UVSSA: variants seen among roughly 807,000 people sequenced by gnomAD.
UVSSA encodes the protein UV-stimulated scaffold protein A.
Under a neutral mutation model 73.9 loss-of-function variants are expected in UVSSA, and 72 were observed. The observed-to-expected ratio is 0.97, with a 90% CI of 0.81 to 1.19. The LOEUF (loss-of-function observed/expected upper bound fraction) is 1.19, where lower values mean the gene tolerates loss of function less well. Ranked by LOEUF, UVSSA falls within the 50% of genes most tolerant of loss-of-function variation. The pLI is 0.00. For missense variants in UVSSA, 1,150 were observed against 965.0 expected (o/e 1.19, Z -2.54); for synonymous variants, 454 against 391.3 (o/e 1.16, Z -1.89).
chr4:1,367,595 T>C (rs1248125419), intron 8 of UVSSA, among the ~76,000 whole-genome samples: 2 of 152,104 alleles, frequency 1.3e-5, no homozygotes, highest in African/African-American at 4.8e-5. Context: ...CTGGGAAGGC[T>C]GAGCTCCTGG....
In UVSSA at chr4:1,395,315, T is replaced by C. The variant is rs1365711712; in HGVS notation, c.*9354T>C. The C allele has an allele frequency of 6.0e-6, 9 of 1,491,934 alleles. 1 individual carries two copies. Among genetic ancestry groups the C allele is most frequent in the Non-Finnish European group, 8.0e-6 (9 of 1,120,858 alleles). The allele number at this position is 1,491,934 out of a possible 1,614,324, so 92.4% of individuals were successfully genotyped here. A position where few individuals can be genotyped will look rare whatever the true frequency, so the allele number is the denominator to read the frequency against. On this transcript the variant is annotated 3_prime_UTR_variant, in exon 14 of 14. Transcript: ENST00000511216. ...CCTGCTCACACGTGCCCATGTGGAG[T>C]GCCCGCCTGCTCACGTGCCGATGTG...
chr4:1,349,505 G>T lies in UVSSA; in HGVS notation c.99-19G>T. On this transcript the variant is annotated intron_variant, in intron 2 of 13. Transcript: ENST00000389851. ...CTCTGCGTGTGGGGCAGTTGGGTCA[G>T]GCCAGCTCGCATCCCCAGGTCTTCA... is the stretch of plus-strand genomic sequence containing the variant. 2 of 1,607,898 alleles carry T rather than the reference G, an allele frequency of 1.2e-6. No individual in the cohort carries two copies. The highest frequency in any genetic ancestry group is 1.7e-6 in the Non-Finnish European group (2 of 1,176,784).
In UVSSA at chr4:1,349,517, T is replaced by A; in HGVS notation, c.99-7T>A. 6.2e-7 allele frequency: 1 copy of A among 1,610,328 alleles called. No individual in the cohort carries two copies. On this transcript the variant is annotated splice_region_variant and splice_polypyrimidine_tract_variant and intron_variant, in intron 2 of 13. Transcript: ENST00000389851. ...GGCAGTTGGGTCAGGCCAGCTCGCATCCCCAGGTCTTCAGAGGAGCAGCTG... is the reference window on the plus strand; with the variant it reads ...GGCAGTTGGGTCAGGCCAGCTCGCAACCCCAGGTCTTCAGAGGAGCAGCTG...
At position 1,349,533 on chromosome 4, in the gene UVSSA, GGA is replaced by G; in HGVS notation, c.110_111del (p.Glu37AlafsTer85). The G allele has an allele frequency of 6.2e-7, 1 of 1,612,680 alleles. No individual in the cohort carries two copies. The highest frequency in any genetic ancestry group is 8.5e-7 in the Non-Finnish European group (1 of 1,179,384). ...CAGCTCGCATCCCCAGGTCTTCAGA[GGA>G]GCAGCTGAGCCGCGCCTACCGCCTG... ...ELKKICKSSE[E>X]QLSRAYRLLI... On this transcript the variant is annotated frameshift_variant, in exon 3 of 14. Coordinates refer to ENST00000389851, the MANE Select transcript of UVSSA (RefSeq NM_020894.4). LOFTEE classifies it high-confidence loss of function.
At chr4:1,353,512 G>A in intron 5 of UVSSA, 99 bp downstream of exon 5, 1 of 1,405,758 alleles carries the variant, frequency 7.1e-7, no homozygotes, top group Non-Finnish European at 9.3e-7. Context: ...GGGGATGCAG[G>A]GGCCTCCCCT....
At position 1,386,276 on chromosome 4, in the gene UVSSA, C is replaced by T. The variant is rs574745220; in HGVS notation, c.*315C>T. The T allele has an allele frequency of 3.4e-4, 107 of 319,276 alleles. 1 individual carries two copies. The highest frequency in any genetic ancestry group is 1.9e-3 in the African/African-American group (88 of 47,390). 19.8% of individuals were successfully genotyped at this position (319,276 alleles called of 1,614,324 possible). On this transcript the variant is annotated 3_prime_UTR_variant, in exon 14 of 14. Transcript: ENST00000389851. ...GCTTGTCGTGGTGTGGGGTTCAGCA[C>T]GGACGGAATGTGTGTGCAGCTCAGC... is the stretch of plus-strand genomic sequence containing the variant.
intron 8 of UVSSA, among the ~76,000 whole-genome samples, chr4:1,372,091 A>G (rs1361534928): frequency 6.6e-6 from 1 of 152,116 alleles, no homozygotes; most frequent in African/African-American, 2.4e-5. Context: ...TTTTTACTTA[A>G]AATCCAGCTT....
downstream of UVSSA, chr4:1,392,337 TA>T (rs1720429321): frequency 2.6e-5 from 4 of 152,272 alleles, no homozygotes; most frequent in South Asian, 2.1e-4. Flanking sequence ...AGAAAAGATG[TA>T]CAAACAGAAA....
chr4:1,393,731 C>T (rs879676596), exon 14 of UVSSA: 4 of 152,814 alleles, frequency 2.6e-5, no homozygotes, highest in Non-Finnish European at 4.4e-5. Context: ...AAATAACATA[C>T]TCTTTCTTTG....
intron 8 of UVSSA, among the ~76,000 whole-genome samples, chr4:1,367,539 G>T (rs930208226): frequency 2.0e-5 from 3 of 152,142 alleles, no homozygotes; most frequent in Non-Finnish European, 4.4e-5. Context: ...CCTGTTTACT[G>T]GGGCCTGCTG....
chr4:1,389,215 T>C (rs1017540338), downstream of UVSSA: 3 of 152,194 alleles, frequency 2.0e-5, no homozygotes, highest in Admixed American at 6.6e-5. Flanking sequence ...TTTTTTTAAC[T>C]GACAAGGTCT....
At position 1,386,813 on chromosome 4, in the gene UVSSA, G is replaced by A. The variant is rs933590210; in HGVS notation, c.*852G>A. 3 of 152,052 alleles carry A rather than the reference G, an allele frequency of 2.0e-5. No homozygotes were observed. The highest frequency in any genetic ancestry group is 4.4e-5 in the Non-Finnish European group (3 of 68,044). 9.4% of individuals were successfully genotyped at this position (152,052 alleles called of 1,614,324 possible). The stretch of plus-strand genomic sequence containing the variant: ...GCTCAGTGCAGCCTCAAACTCCTGG[G>A]CTCAAGCCATCCTTCCACGTCAGCC... On this transcript the variant is annotated 3_prime_UTR_variant, in exon 14 of 14. Coordinates refer to ENST00000389851, the MANE Select transcript of UVSSA (RefSeq NM_020894.4).
At chr4:1,374,950 G>T (rs568335547) in intron 8 of UVSSA, 179 of 192,904 alleles carry the variant, frequency 9.3e-4, no homozygotes, top group Admixed American at 8.1e-3. Context: ...GGGTGCTGGG[G>T]AGGGCTCCAG....
intron 5 of UVSSA, among the ~76,000 whole-genome samples, chr4:1,354,212 C>T (rs985973716): frequency 6.6e-5 from 10 of 152,228 alleles, no homozygotes; most frequent in African/African-American, 2.2e-4. Context: ...GACACCGCTG[C>T]TGCAAGCCTG....
In UVSSA at chr4:1,395,645, C is replaced by A. The variant is rs145208075; in HGVS notation, c.*9684C>A. 3.9e-4 allele frequency: 618 copies of A among 1,600,052 alleles called. 2 individuals carry two copies. In the African/African-American group the frequency reaches 7.6e-3, roughly 20 times the overall value. ...TGGAGTGCCCGCCTGCTCACACGTG[C>A]CCATGTGGAGTGCCTGCCTGCTCAC... On this transcript the variant is annotated 3_prime_UTR_variant, in exon 14 of 14. Coordinates refer to the UVSSA transcript ENST00000511216.
At chr4:1,375,879 C>T (rs1718700983) in intron 9 of UVSSA, among the ~76,000 whole-genome samples, 155 bp from the exon 10 acceptor site, 1 of 152,266 alleles carries the variant, frequency 6.6e-6, no homozygotes, top group Non-Finnish European at 1.5e-5. Flanking sequence ...AGGACCTCAG[C>T]GGTGGCCCTG....
intron 11 of UVSSA, chr4:1,380,503 T>A: frequency 1.2e-6 from 1 of 866,648 alleles, no homozygotes; most frequent in Non-Finnish European, 1.7e-6. Context: ...GTATCCTCCA[T>A]GGTTGCAGCC....
chr4:1,393,574 T>TTAGATAGATAGATAGATAGATAGA (rs56005925), exon 14 of UVSSA: 5 of 147,584 alleles, frequency 3.4e-5, no homozygotes, highest in Non-Finnish European at 6.0e-5. Flanking sequence ...GATAGATAGA[T>TTAGATAGATAGATAGATAGATAGA]TAGATAGATA....
upstream of UVSSA, among the ~76,000 whole-genome samples, chr4:1,344,084 G>C (rs1713523025): frequency 6.6e-6 from 1 of 151,446 alleles, no homozygotes; most frequent in Non-Finnish European, 1.5e-5. Context: ...AGAAATCCTT[G>C]GCTTCTTTGT....
Sources: gnomAD v4.1 joint callset for allele counts (sites outside exome capture counted in the v4.1 genomes callset) on GRCh38, gnomAD v4.1.1 for gene constraint, MANE v1.5 for transcripts, NCBI Gene and HGNC (gene_info 2026-07-23, HGNC 2026-07-21) for gene names.